Variants in ADA observed in about 807,000 individuals in gnomAD.
The protein encoded by ADA is adenosine aminohydrolase.
In ADA, 45 loss-of-function variants were observed where a neutral mutation model predicts 49.0. That is an observed-to-expected ratio of 0.92 (90% CI 0.72 to 1.18). The LOEUF is 1.18. Among genes scored for constraint, ADA ranks in the 50% most tolerant of loss-of-function variants. The pLI, the probability that ADA is intolerant of heterozygous loss-of-function variation, is 0.00. For missense variants in ADA, 445 were observed against 472.5 expected (o/e 0.94, Z 0.54); for synonymous variants, 173 against 184.2 (o/e 0.94, Z 0.49).
chr20:44,651,288 C>A (rs1023631697), intron 1 of ADA, among the ~76,000 whole-genome samples: 3 of 152,220 alleles, frequency 2.0e-5, no homozygotes, highest in African/African-American at 7.2e-5. Context: ...GCCCACACAG[C>A]GCTCAGCGGT....
Position 44,619,643 on chromosome 20 carries a change from A to G in ADA, c.*191T>C. 1 of 698,340 alleles carries G rather than the reference A, an allele frequency of 1.4e-6. No homozygotes were observed. The highest frequency in any genetic ancestry group is 2.5e-6 in the Non-Finnish European group (1 of 404,264). 43.3% of individuals were successfully genotyped at this position (698,340 alleles called of 1,614,324 possible). A position where few individuals can be genotyped will look rare whatever the true frequency, so the allele number is the denominator to read the frequency against. On this transcript the variant is annotated 3_prime_UTR_variant, in exon 12 of 12. Transcript: ENST00000372874. ...AAGGGCGCTGGTCCCTGGCCAGGGC[A>G]CATAATCAGAGAAGTGACGCGGCCA...
At chr20:44,620,640 A>C (rs1249966732) in intron 10 of ADA, 2 of 599,790 alleles carry the variant, frequency 3.3e-6, no homozygotes, top group Non-Finnish European at 6.0e-6. Flanking sequence ...TTTGAGAGAC[A>C]GGGTGGCATG....
chr20:44,620,470 G>T, intron 10 of ADA, 69 bp from the exon 11 acceptor site: 2 of 1,304,940 alleles, frequency 1.5e-6, no homozygotes, highest in Non-Finnish European at 2.2e-6. Flanking sequence ...GCAATGTAGT[G>T]ATAGTCCATC....
intron 2 of ADA, among the ~76,000 whole-genome samples, chr20:44,635,259 G>C (rs1453890480): frequency 6.6e-6 from 1 of 152,178 alleles, no homozygotes; most frequent in Non-Finnish European, 1.5e-5. Context: ...GCTGAGGCAG[G>C]AAGTGTGTTC....
At chr20:44,632,203 G>A (rs1274589406) in intron 2 of ADA, among the ~76,000 whole-genome samples, 1 of 152,024 alleles carries the variant, frequency 6.6e-6, no homozygotes, top group East Asian at 1.9e-4. Context: ...GCAGGGGAGG[G>A]GTCTGTACTA....
At chr20:44,648,720 T>A (rs1278640307) in intron 1 of ADA, among the ~76,000 whole-genome samples, 2 of 151,666 alleles carry the variant, frequency 1.3e-5, no homozygotes, top group African/African-American at 2.4e-5. Context: ...TCAATAGGGG[T>A]CCCGCACAAC....
rs766296628 is a variant in ADA at position 44,624,226 on chromosome 20, C to T, written c.582G>A (p.Leu194=). ...CCTGGTAGGCCTGGACATGTCCAGG[C>T]AAGAGGCTGCTTCCTGGGATGGTCT... ...GDETIPGSSL[L]PGHVQAYQEA... is the part of the protein sequence containing the mutation. Residue 194 remains leucine, a synonymous_variant, in exon 6 of 12, where the codon TTG becomes TTA. Transcript: ENST00000372874. 1.9e-6 allele frequency: 3 copies of T among 1,613,460 alleles called. No individual in the cohort carries two copies. Among genetic ancestry groups the T allele is most frequent in the South Asian group, 1.1e-5 (1 of 90,924 alleles).
At chr20:44,651,281 C>A (rs1189819028) in intron 1 of ADA, among the ~76,000 whole-genome samples, 1 of 152,230 alleles carries the variant, frequency 6.6e-6, no homozygotes, top group African/African-American at 2.4e-5. Flanking sequence ...TGCCCAGGCC[C>A]ACACAGCGCT....
chr20:44,633,150 G>A (rs998468516), intron 2 of ADA, among the ~76,000 whole-genome samples: 2 of 152,206 alleles, frequency 1.3e-5, no homozygotes, highest in Non-Finnish European at 2.9e-5. Context: ...TGCAGGTCAA[G>A]TCCATCTCCC....
At chr20:44,644,069 G>A (rs1461809902) in intron 1 of ADA, among the ~76,000 whole-genome samples, 1 of 150,362 alleles carries the variant, frequency 6.7e-6, no homozygotes, top group African/African-American at 2.4e-5. Context: ...GCTGGAGGGC[G>A]AGCAGGGCCG....
intron 5 of ADA, among the ~76,000 whole-genome samples, chr20:44,625,165 C>T (rs928345648): frequency 3.3e-5 from 5 of 152,188 alleles, no homozygotes; most frequent in Admixed American, 2.6e-4. Flanking sequence ...GAGATCTGAT[C>T]TGCGTCAGTG....
chr20:44,632,986 G>T (rs1286765167), intron 2 of ADA, among the ~76,000 whole-genome samples: 1 of 152,226 alleles, frequency 6.6e-6, no homozygotes, highest in Non-Finnish European at 1.5e-5. Flanking sequence ...GAGCCACCAT[G>T]CACGCTCTGT....
chr20:44,632,922 G>T (rs1434284302), intron 2 of ADA, among the ~76,000 whole-genome samples: 2 of 152,242 alleles, frequency 1.3e-5, no homozygotes, highest in African/African-American at 4.8e-5. Flanking sequence ...TTGAACTCCT[G>T]ACCTCAGGTG....
chr20:44,634,420 CAG>C (rs1280160086), intron 2 of ADA, among the ~76,000 whole-genome samples: 4 of 152,244 alleles, frequency 2.6e-5, no homozygotes, highest in South Asian at 2.1e-4. Flanking sequence ...CTCTAACTGA[CAG>C]GGGGTAATGG....
At position 44,620,665 on chromosome 20, in the gene ADA, C is replaced by G. The variant is rs971479385; in HGVS notation, c.976-264G>C. The G allele has an allele frequency of 3.8e-5, 22 of 579,390 alleles. No homozygotes were observed. The South Asian group carries it at 4.1e-4, about 11-fold the overall frequency. The allele number at this position is 579,390 out of a possible 1,614,324, so 35.9% of individuals were successfully genotyped here. A position where few individuals can be genotyped will look rare whatever the true frequency, so the allele number is the denominator to read the frequency against. On this transcript the variant is annotated intron_variant, in intron 10 of 11. Coordinates refer to ENST00000372874, the MANE Select transcript of ADA (RefSeq NM_000022.4). The stretch of plus-strand genomic sequence containing the variant: ...AGGGTGGCATGTAGGGGGCCAGAGA[C>G]ACCTCGCAGACACGTGCAGGAATGG...
chr20:44,622,657 A>G lies in ADA; in HGVS notation c.781-5T>C. 1.9e-6 allele frequency: 3 copies of G among 1,614,160 alleles called. No homozygotes were observed. Among genetic ancestry groups the G allele is most frequent in the Non-Finnish European group, 2.5e-6 (3 of 1,180,032 alleles). On this transcript the variant is annotated splice_region_variant and splice_polypyrimidine_tract_variant and intron_variant, in intron 8 of 11. Transcript: ENST00000372874. ...GTAGCTGGACCAGGGGCAGATCTGG[A>G]AGAGCAGGTGTGTGGCTGGCAGGGA...
intron 2 of ADA, chr20:44,635,924 G>T: frequency 2.4e-6 from 1 of 417,852 alleles, no homozygotes; most frequent in Non-Finnish European, 4.5e-6. Context: ...GACGGATTCA[G>T]CCCTGGGAAC....
At chr20:44,621,195 T>TA in intron 9 of ADA, 48 bp from the exon 10 acceptor site, 2 of 1,612,916 alleles carry the variant, frequency 1.2e-6, no homozygotes, top group Non-Finnish European at 1.7e-6. Context: ...TACTCTTACA[T>TA]AAATAGTCAG....
chr20:44,633,883 A>G (rs1334883972), intron 2 of ADA, among the ~76,000 whole-genome samples: 1 of 152,238 alleles, frequency 6.6e-6, no homozygotes, highest in Non-Finnish European at 1.5e-5. Context: ...TGGGCCTAGC[A>G]GGGCTCAGGC....
Sources: gnomAD v4.1 joint callset for allele counts (sites outside exome capture counted in the v4.1 genomes callset) on GRCh38, gnomAD v4.1.1 for gene constraint, MANE v1.5 for transcripts, NCBI Gene and HGNC (gene_info 2026-07-23, HGNC 2026-07-21) for gene names.